Variants in NKAIN2 observed in about 807,000 individuals in gnomAD.
NKAIN2 encodes the protein sodium/potassium transporting ATPase interacting 2, also known as sodium/potassium-transporting ATPase subunit beta-1-interacting protein 2.
In NKAIN2, 14 loss-of-function variants were observed where a neutral mutation model predicts 32.6. That is an observed-to-expected ratio of 0.43 (90% CI 0.28 to 0.67). The LOEUF (loss-of-function observed/expected upper bound fraction) is 0.67. Among genes scored for constraint, NKAIN2 ranks in the 30% least tolerant of loss-of-function variants. The pLI, the probability that NKAIN2 is intolerant of heterozygous loss-of-function variation, is 0.17. For synonymous variants in NKAIN2, 80 were observed against 87.2 expected, an observed-to-expected ratio of 0.92 and a Z score of 0.46; for missense variants, 198 against 258.3, an observed-to-expected ratio of 0.77 and a Z score of 1.60.
chr6:123,914,247 G>A (rs1313708935), intron 1 of NKAIN2, among the ~76,000 whole-genome samples: 4 of 151,808 alleles, frequency 2.6e-5, no homozygotes, highest in Non-Finnish European at 2.9e-5. Context: ...CAGACAGAGA[G>A]ACAGAGACAG....
At chr6:124,439,343 A>T (rs1448999685) in intron 3 of NKAIN2, among the ~76,000 whole-genome samples, 4 of 145,524 alleles carry the variant, frequency 2.7e-5, no homozygotes, top group African/African-American at 5.3e-5. Context: ...AAATCTCTCA[A>T]TCTATCCACT....
chr6:123,898,340 C>G (rs1446135334), intron 1 of NKAIN2, among the ~76,000 whole-genome samples: 1 of 152,112 alleles, frequency 6.6e-6, no homozygotes, highest in East Asian at 1.9e-4. Flanking sequence ...TCTGTATACC[C>G]CTTTGACCCT....
chr6:124,452,959 A>G (rs900455162), intron 3 of NKAIN2, among the ~76,000 whole-genome samples: 1 of 152,098 alleles, frequency 6.6e-6, no homozygotes, highest in Non-Finnish European at 1.5e-5. Context: ...GCCAAGCAGT[A>G]GTTCTTCATT....
rs142577623 is a variant in NKAIN2 at position 124,370,145 on chromosome 6, C to T, written c.273+14798C>T. Among the ~76,000 whole-genome samples the T allele has an allele frequency of 3.2e-3, 482 of 151,062 alleles. 5 individuals carry two copies. The highest frequency in any genetic ancestry group is 0.011 in the African/African-American group (455 of 41,072). On this transcript the variant is annotated intron_variant, in intron 3 of 6. Transcript: ENST00000368417. ...GAACCTTTGGTTTAGTAGTTCAGTA[C>T]GCTACAGGTAACCAGGGAGCAATGT...
intron 1 of NKAIN2, among the ~76,000 whole-genome samples, chr6:123,927,495 T>C (rs1285800833): frequency 6.6e-6 from 1 of 152,152 alleles, no homozygotes; most frequent in Non-Finnish European, 1.5e-5. Context: ...CGTAGGGGAA[T>C]TAAAACTATA....
chr6:123,857,207 A>G (rs117387011), intron 1 of NKAIN2, among the ~76,000 whole-genome samples: 1,536 of 152,164 alleles, frequency 0.01, 9 homozygotes, highest in Non-Finnish European at 0.016. Flanking sequence ...GGACCCTAAA[A>G]TAAGAAACCC....
At chr6:124,711,881 G>A (rs986260892) in intron 4 of NKAIN2, among the ~76,000 whole-genome samples, 3 of 152,144 alleles carry the variant, frequency 2.0e-5, no homozygotes, top group Non-Finnish European at 4.4e-5. Context: ...TTCCTTTGGA[G>A]GAGGAGAGGC....
intron 3 of NKAIN2, among the ~76,000 whole-genome samples, chr6:124,564,673 C>T (rs536049931): frequency 5.3e-5 from 8 of 152,308 alleles, no homozygotes; most frequent in African/African-American, 1.9e-4. Context: ...GACCAAGAAC[C>T]CACCGGAGGG....
chr6:124,750,195 G>C (rs1238056094), intron 4 of NKAIN2, among the ~76,000 whole-genome samples: 1 of 151,866 alleles, frequency 6.6e-6, no homozygotes, highest in Non-Finnish European at 1.5e-5. Flanking sequence ...TCTGTCATAT[G>C]ATGGACATTT....
chr6:124,547,996 C>T (rs890506244), intron 3 of NKAIN2, among the ~76,000 whole-genome samples: 12 of 152,236 alleles, frequency 7.9e-5, no homozygotes, highest in Non-Finnish European at 1.2e-4. Flanking sequence ...TAATATGTCT[C>T]GGATTCAGTA....
chr6:123,825,459 G>A (rs1774108844), intron 1 of NKAIN2, among the ~76,000 whole-genome samples: 2 of 151,982 alleles, frequency 1.3e-5, no homozygotes, highest in East Asian at 1.9e-4. Flanking sequence ...TACCTATTTG[G>A]AACACAAAGA....
At chr6:124,269,811 A>T (rs1161822725) in intron 1 of NKAIN2, among the ~76,000 whole-genome samples, 3 of 152,050 alleles carry the variant, frequency 2.0e-5, no homozygotes, top group Non-Finnish European at 4.4e-5. Flanking sequence ...AGAGACTGCC[A>T]GTACATGGTA....
chr6:124,020,449 C>T (rs1055040543), intron 1 of NKAIN2, among the ~76,000 whole-genome samples: 4 of 152,056 alleles, frequency 2.6e-5, no homozygotes, highest in African/African-American at 9.7e-5. Context: ...TGTGTTTGTA[C>T]CTTCAGCATA....
chr6:124,770,621 CTTATT>C (rs1047280327), intron 4 of NKAIN2, among the ~76,000 whole-genome samples: 1 of 152,066 alleles, frequency 6.6e-6, no homozygotes, highest in African/African-American at 2.4e-5. Flanking sequence ...ACTCTATTCT[CTTATT>C]TTAGTTTTTT....
In NKAIN2 at chr6:124,691,495, G is replaced by T. The variant is rs545044330; in HGVS notation, c.474+33109G>T. On this transcript the variant is annotated intron_variant, in intron 4 of 6. Coordinates refer to ENST00000368417, the MANE Select transcript of NKAIN2 (RefSeq NM_001040214.3). ...CTCTTCAGATGAGTTCCTCTGCCGAGAATTCAGGCAAACTAAGGTCCATTA... is the reference window on the plus strand; with the variant it reads ...CTCTTCAGATGAGTTCCTCTGCCGATAATTCAGGCAAACTAAGGTCCATTA... Among the ~76,000 whole-genome samples the T allele has an allele frequency of 9.2e-5, 14 of 152,226 alleles. No homozygotes were observed. In the South Asian group the frequency reaches 1.9e-3, roughly 20 times the overall value.
intron 4 of NKAIN2, among the ~76,000 whole-genome samples, chr6:124,702,233 T>C (rs1297719113): frequency 6.6e-6 from 1 of 152,136 alleles, no homozygotes; most frequent in Non-Finnish European, 1.5e-5. Flanking sequence ...TATTCATTTT[T>C]TTGTGTGGAT....
chr6:124,137,674 A>C (rs766258773), intron 1 of NKAIN2, among the ~76,000 whole-genome samples: 4 of 152,142 alleles, frequency 2.6e-5, no homozygotes, highest in African/African-American at 7.2e-5. Context: ...TATATAGACT[A>C]ACGGAATATA....
intron 4 of NKAIN2, among the ~76,000 whole-genome samples, chr6:124,763,765 T>C (rs1583819073): frequency 1.3e-5 from 2 of 152,220 alleles, no homozygotes; most frequent in African/African-American, 4.8e-5. Context: ...CACAGACATA[T>C]TTTAAAACAT....
At chr6:123,846,223 G>C (rs1303657349) in intron 1 of NKAIN2, among the ~76,000 whole-genome samples, 2 of 152,100 alleles carry the variant, frequency 1.3e-5, no homozygotes, top group Non-Finnish European at 2.9e-5. Context: ...ACCTCAATGT[G>C]GTAGGAAAGT....
Sources: gnomAD v4.1 joint callset for allele counts (sites outside exome capture counted in the v4.1 genomes callset) on GRCh38, gnomAD v4.1.1 for gene constraint, MANE v1.5 for transcripts, NCBI Gene and HGNC (gene_info 2026-07-23, HGNC 2026-07-21) for gene names.